Variants in SMC5 observed in about 807,000 individuals in gnomAD.
SMC5 encodes the protein structural maintenance of chromosomes protein 5.
A neutral mutation model predicts 148.3 loss-of-function variants in SMC5; 88 were observed. The observed-to-expected ratio is 0.59, with a 90% CI of 0.50 to 0.71. SMC5 has a LOEUF of 0.71. SMC5 is among the 30% of genes least tolerant of loss of function. The pLI, the probability that SMC5 is intolerant of heterozygous loss-of-function variation, is 0.00. For missense variants in SMC5, 1,142 were observed against 1,298.9 expected (o/e 0.88, Z 1.86); for synonymous variants, 421 against 432.8 (o/e 0.97, Z 0.34).
Position 70,259,059 on chromosome 9 carries a change from G to A in SMC5, c.-20G>A. 6.3e-7 allele frequency: 1 copy of A among 1,592,378 alleles called. No homozygotes were observed. The highest frequency in any genetic ancestry group is 1.3e-5 in the African/African-American group (1 of 74,306). ...GGACGGTGGGAACGGAAGTCGCTGT[G>A]GGACGCTGAGGAAGCCAGGATGGCG... On this transcript the variant is annotated 5_prime_UTR_variant, in exon 1 of 25. Coordinates refer to ENST00000361138, the MANE Select transcript of SMC5 (RefSeq NM_015110.4).
chr9:70,313,172 A>C (rs538143820), intron 11 of SMC5, among the ~76,000 whole-genome samples: 11 of 152,122 alleles, frequency 7.2e-5, no homozygotes, highest in Non-Finnish European at 1.5e-5. Flanking sequence ...TGTTTTTGGC[A>C]TGAAGTTTTT....
intron 4 of SMC5, 56 bp downstream of exon 4, chr9:70,277,528 T>C (rs1353221754): frequency 1.4e-6 from 2 of 1,438,186 alleles, no homozygotes; most frequent in Non-Finnish European, 9.3e-7. Flanking sequence ...GTTTCCTTTT[T>C]ATGCCGTTGA....
At position 70,353,722 on chromosome 9, in the gene SMC5, A is replaced by T. The variant is rs193096307; in HGVS notation, c.*1391A>T. The T allele has an allele frequency of 2.0e-5, 3 of 152,364 alleles. No homozygotes were observed. In the East Asian group the frequency reaches 5.8e-4, roughly 29 times the overall value. 9.4% of individuals were successfully genotyped at this position (152,364 alleles called of 1,614,324 possible). On this transcript the variant is annotated 3_prime_UTR_variant, in exon 25 of 25. Coordinates refer to ENST00000361138, the MANE Select transcript of SMC5 (RefSeq NM_015110.4). ...TTCTTCTTTATAAACATTTTAAAAG[A>T]GCCTTCCCTTCTTAAACTAACTCCA... is the stretch of plus-strand genomic sequence containing the variant.
intron 11 of SMC5, among the ~76,000 whole-genome samples, chr9:70,308,998 A>G (rs1428078687): frequency 1.3e-5 from 2 of 152,220 alleles, no homozygotes; most frequent in East Asian, 1.9e-4. Context: ...TTAAGTTTAT[A>G]CTATTTATAT....
chr9:70,304,317 G>A (rs1317700469), intron 10 of SMC5, among the ~76,000 whole-genome samples: 1 of 151,998 alleles, frequency 6.6e-6, no homozygotes, highest in Admixed American at 6.6e-5. Flanking sequence ...GGCTTCCAGT[G>A]TTATCCTCTC....
At chr9:70,320,704 G>A (rs1165596450) in intron 15 of SMC5, among the ~76,000 whole-genome samples, 1 of 151,982 alleles carries the variant, frequency 6.6e-6, no homozygotes, top group Non-Finnish European at 1.5e-5. Flanking sequence ...GATACTGGGG[G>A]ACAACTATAT....
rs2117881349 is a variant in SMC5 at position 70,259,053 on chromosome 9, C to T, written c.-26C>T. ...GCTGCCGGACGGTGGGAACGGAAGT[C>T]GCTGTGGGACGCTGAGGAAGCCAGG... On this transcript the variant is annotated 5_prime_UTR_variant, in exon 1 of 25. Transcript: ENST00000361138. The T allele has an allele frequency of 1.3e-6, 2 of 1,581,260 alleles. No individual in the cohort carries two copies. The highest frequency in any genetic ancestry group is 2.3e-5 in the East Asian group (1 of 43,492).
intron 6 of SMC5, 70 bp from the exon 7 acceptor site, chr9:70,282,352 A>T: frequency 5.6e-6 from 8 of 1,430,388 alleles, no homozygotes; most frequent in Non-Finnish European, 7.4e-6. Flanking sequence ...TTCTGCCTGT[A>T]TCTTGATTTT....
Position 70,314,847 on chromosome 9 carries a change from A to C in SMC5, c.1673+11A>C. On this transcript the variant is annotated intron_variant, in intron 12 of 24. Coordinates refer to ENST00000361138, the MANE Select transcript of SMC5 (RefSeq NM_015110.4). Reference sequence around the variant, plus strand: ...TTTGAATGAACTTAAGTAAGTCTTGAAAATACTAAGATTTATTTAAATATT... The same window carrying C: ...TTTGAATGAACTTAAGTAAGTCTTGCAAATACTAAGATTTATTTAAATATT... The C allele has an allele frequency of 7.2e-7, 1 of 1,385,014 alleles. No individual in the cohort carries two copies. The highest frequency in any genetic ancestry group is 9.9e-7 in the Non-Finnish European group (1 of 1,006,004). 85.8% of individuals were successfully genotyped at this position (1,385,014 alleles called of 1,614,324 possible).
chr9:70,280,752 A>G lies in SMC5; in HGVS notation c.679-7A>G. ...CAAACTGATTGTTCAACATATATTT[A>G]TTGTAGACCTCATGCAAAGAGAAAA... On this transcript the variant is annotated splice_region_variant and splice_polypyrimidine_tract_variant and intron_variant, in intron 5 of 24. Coordinates refer to ENST00000361138, the MANE Select transcript of SMC5 (RefSeq NM_015110.4). 2 of 1,607,594 alleles carry G rather than the reference A, an allele frequency of 1.2e-6. No individual in the cohort carries two copies. The highest frequency in any genetic ancestry group is 3.4e-4 in the Middle Eastern group (2 of 5,968).
chr9:70,263,545 C>T (rs888703864), intron 1 of SMC5, among the ~76,000 whole-genome samples: 5 of 152,092 alleles, frequency 3.3e-5, no homozygotes, highest in African/African-American at 9.7e-5. Flanking sequence ...TATTCAAAGG[C>T]GAGTTAAAAG....
chr9:70,328,271 A>G (rs576850165), intron 17 of SMC5, among the ~76,000 whole-genome samples: 2 of 152,252 alleles, frequency 1.3e-5, no homozygotes, highest in South Asian at 4.1e-4. Flanking sequence ...GCATTAACTC[A>G]AAAGTCCAAG....
chr9:70,319,663 G>A (rs2035897314), intron 15 of SMC5, among the ~76,000 whole-genome samples: 1 of 152,096 alleles, frequency 6.6e-6, no homozygotes, highest in Non-Finnish European at 1.5e-5. Flanking sequence ...ATTGCAGTGT[G>A]GAATCTGAAA....
chr9:70,292,505 C>T (rs1002821803), intron 8 of SMC5, among the ~76,000 whole-genome samples: 5 of 151,988 alleles, frequency 3.3e-5, no homozygotes, highest in African/African-American at 9.7e-5. Flanking sequence ...AGTTTTCTTA[C>T]GTTATTGCAT....
At chr9:70,351,172 C>T (rs112808983) in intron 24 of SMC5, among the ~76,000 whole-genome samples, 4 of 151,544 alleles carry the variant, frequency 2.6e-5, no homozygotes, top group Non-Finnish European at 2.9e-5. Context: ...GGCAACATGG[C>T]AAAACCCCAT....
At chr9:70,275,593 A>G (rs1417717349) in intron 3 of SMC5, among the ~76,000 whole-genome samples, 1 of 151,752 alleles carries the variant, frequency 6.6e-6, no homozygotes, top group Non-Finnish European at 1.5e-5. Context: ...ATCTGATCTT[A>G]GTTTATTTGA....
chr9:70,296,573 A>G (rs751081377), intron 8 of SMC5, among the ~76,000 whole-genome samples: 1 of 152,044 alleles, frequency 6.6e-6, no homozygotes, highest in Non-Finnish European at 1.5e-5. Flanking sequence ...AAAAGGTAAA[A>G]GTTTAAGGAC....
chr9:70,338,262 C>T (rs1456660380), intron 17 of SMC5, among the ~76,000 whole-genome samples: 2 of 152,330 alleles, frequency 1.3e-5, no homozygotes, highest in Non-Finnish European at 1.5e-5. Flanking sequence ...CTTCCCACCT[C>T]GGCCTCCCAA....
chr9:70,341,349 T>A (rs1346397240), intron 17 of SMC5, among the ~76,000 whole-genome samples: 1 of 152,200 alleles, frequency 6.6e-6, no homozygotes, highest in African/African-American at 2.4e-5. Flanking sequence ...AATACTTTAT[T>A]TTAGCAAAGT....
Sources: allele counts gnomAD v4.1 joint callset (sites outside exome capture counted in the v4.1 genomes callset), GRCh38; gene constraint gnomAD v4.1.1; transcripts MANE v1.5; gene names NCBI Gene and HGNC (gene_info 2026-07-23, HGNC 2026-07-21).